MMP12: variants seen among roughly 807,000 people sequenced by gnomAD.
MMP12 encodes the protein macrophage metalloelastase.
In MMP12, 51 loss-of-function variants were observed where a neutral mutation model predicts 45.2. The observed-to-expected ratio is 1.13, with a 90% CI of 0.90 to 1.42. The LOEUF (loss-of-function observed/expected upper bound fraction) is 1.42. Among genes scored for constraint, MMP12 ranks in the 40% most tolerant of loss-of-function variants. The pLI is 0.00. For missense variants in MMP12, 530 were observed against 570.8 expected (o/e 0.93, Z 0.73); for synonymous variants, 210 against 193.3 (o/e 1.09, Z -0.72).
At chr11:102,871,995 G>A in intron 2 of MMP12, 43 bp from the exon 3 acceptor site, 3 of 1,556,388 alleles carry the variant, frequency 1.9e-6, no homozygotes, top group Non-Finnish European at 2.6e-6. Context: ...GGAAGGCAGT[G>A]TTATTTTGTC....
rs1859362606 is a variant in MMP12 at position 102,865,134 on chromosome 11, C to T, written c.1205+642G>A. ...GGAATTAGATATTGTGTTTTAAATG[C>T]TTAAGAATAAATAACAGTTGTAAAT... On this transcript the variant is annotated intron_variant, in intron 8 of 9. Transcript: ENST00000571244. The surrounding 1 kb of genome is among the most constrained non-coding windows in gnomAD (Gnocchi z 4.1). Among the ~76,000 whole-genome samples the T allele has an allele frequency of 6.6e-6, 1 of 152,262 alleles. No individual in the cohort carries two copies. Among genetic ancestry groups the T allele is most frequent in the South Asian group, 2.1e-4 (1 of 4,826 alleles).
intron 1 of MMP12, among the ~76,000 whole-genome samples, chr11:102,873,633 A>G (rs1407291978): frequency 3.3e-5 from 5 of 152,252 alleles, no homozygotes. Flanking sequence ...ACAAAAAAAC[A>G]AAGACATGTC....
intron 8 of MMP12, among the ~76,000 whole-genome samples, chr11:102,864,632 T>A (rs1185121544): frequency 1.3e-5 from 2 of 152,168 alleles, no homozygotes; most frequent in Non-Finnish European, 2.9e-5. Context: ...CCCAAGAAGA[T>A]AATAAACAGG....
chr11:102,872,754 G>A (rs1859523400), intron 2 of MMP12, 111 bp downstream of exon 2: 1 of 1,145,516 alleles, frequency 8.7e-7, no homozygotes. Context: ...ATTAACAATG[G>A]AGGGAGGTTA....
chr11:102,871,753 T>C (rs782815938), intron 3 of MMP12, 34 bp from the exon 4 acceptor site: 1 of 1,613,498 alleles, frequency 6.2e-7, no homozygotes, highest in Non-Finnish European at 8.5e-7. Context: ...AGTCCTTCTA[T>C]ACATCCTATA....
At chr11:102,864,973 T>G (rs1204919254) in intron 8 of MMP12, among the ~76,000 whole-genome samples, 1 of 152,192 alleles carries the variant, frequency 6.6e-6, no homozygotes, top group Non-Finnish European at 1.5e-5. Context: ...CCAATGTTCA[T>G]AATAACAGGC....
chr11:102,868,332 A>G (rs533980437), intron 4 of MMP12, among the ~76,000 whole-genome samples: 2 of 152,308 alleles, frequency 1.3e-5, no homozygotes, highest in East Asian at 3.9e-4. Context: ...CAACCAAAAA[A>G]TGTCTCCAGA....
rs200263325 is a variant in MMP12, at chr11:102,865,748, G to A, written c.1205+28C>T. 5.1e-6 allele frequency: 8 copies of A among 1,577,304 alleles called. No homozygotes were observed. The highest frequency in any genetic ancestry group is 6.0e-6 in the Non-Finnish European group (7 of 1,158,840). On this transcript the variant is annotated intron_variant, in intron 8 of 9. Transcript: ENST00000571244. This position sits in a 1 kb window ranked among gnomAD's most constrained non-coding sequence, Gnocchi z 4.1. ...TCCATATCTGTTTCACAATCTGAGG[G>A]GTCGAATGACCAACCATTAAAACTC... is the stretch of plus-strand genomic sequence containing the variant.
At position 102,865,813 on chromosome 11, in the gene MMP12, A is replaced by G. The variant is rs1859374238; in HGVS notation, c.1168T>C (p.Tyr390His). 1 of 1,612,388 alleles carries G rather than the reference A, an allele frequency of 6.2e-7. No individual in the cohort carries two copies. Among genetic ancestry groups the G allele is most frequent in the Non-Finnish European group, 8.5e-7 (1 of 1,179,120 alleles). The part of the protein sequence containing the change: ...IDAAVFNPRF[Y>H]RTYFFVDNQY... Reference sequence around the variant, plus strand: ...TTATCTACAAAGAAGTAGGTCCTATAAAAACGTGGGTTAAAAACAGCTGCA... The same window carrying G: ...TTATCTACAAAGAAGTAGGTCCTATGAAAACGTGGGTTAAAAACAGCTGCA... The change falls in exon 8 of 10, where the codon TAT becomes CAT. Residue 390 changes from tyrosine (Y) to histidine (H), a missense_variant. Tyr to His is a moderately conservative substitution (Grantham distance 83). Coordinates refer to ENST00000571244, the MANE Select transcript of MMP12 (RefSeq NM_002426.6). The surrounding 1 kb of genome is among the most constrained non-coding windows in gnomAD (Gnocchi z 4.1).
rs782531084 is a variant in MMP12, at chr11:102,863,082, C to G, written c.*18G>C. 1 of 1,548,914 alleles carries G rather than the reference C, an allele frequency of 6.5e-7. No homozygotes were observed. Among genetic ancestry groups the G allele is most frequent in the Non-Finnish European group, 8.9e-7 (1 of 1,127,274 alleles). On this transcript the variant is annotated 3_prime_UTR_variant, in exon 10 of 10. Transcript: ENST00000571244. ...TTAAGCTGAAGTGAACTAACAAAAACCATTAATTACACCATTTCTAACAAC... is the reference window on the plus strand; with the variant it reads ...TTAAGCTGAAGTGAACTAACAAAAAGCATTAATTACACCATTTCTAACAAC...
chr11:102,867,486 T>G, intron 5 of MMP12, 93 bp from the exon 6 acceptor site: 2 of 1,190,594 alleles, frequency 1.7e-6, no homozygotes, highest in Non-Finnish European at 2.3e-6. Context: ...ATTTTCTTAA[T>G]GAACATTGCA....
intron 4 of MMP12, among the ~76,000 whole-genome samples, chr11:102,868,977 G>A (rs879955815): frequency 6.6e-6 from 1 of 151,826 alleles, no homozygotes; most frequent in Admixed American, 6.6e-5. Context: ...CTTTATATCT[G>A]GCTTTTCTTT....
intron 2 of MMP12, 30 bp from the exon 3 acceptor site, chr11:102,871,982 T>G (rs1859507688): frequency 6.3e-7 from 1 of 1,577,842 alleles, no homozygotes; most frequent in African/African-American, 1.4e-5. Flanking sequence ...GAGAAAAATG[T>G]ATGGAAGGCA....
chr11:102,863,633 A>C (rs1859331580), intron 9 of MMP12, among the ~76,000 whole-genome samples: 1 of 152,128 alleles, frequency 6.6e-6, no homozygotes, highest in South Asian at 2.1e-4. Flanking sequence ...GAATACAAAC[A>C]AAAAATCTTG....
chr11:102,872,769 A>T (rs1859523662), intron 2 of MMP12, 96 bp downstream of exon 2: 39 of 1,355,396 alleles, frequency 2.9e-5, no homozygotes, highest in Non-Finnish European at 3.5e-5. Context: ...AGGTTACTTT[A>T]TCTACTTCCA....
Position 102,864,162 on chromosome 11 carries a change from G to A in MMP12, c.1296C>T (p.Val432=), listed in dbSNP as rs781999909. 10 of 1,610,582 alleles carry A rather than the reference G, an allele frequency of 6.2e-6. No individual in the cohort carries two copies. The South Asian group carries it at 9.9e-5, about 16-fold the overall frequency. The change falls in exon 9 of 10, where the codon GTC becomes GTT. Residue 432 remains valine, a synonymous_variant. Transcript: ENST00000571244. ...TCTACTTACTGTTTTTAGAGTAGAA[G>A]ACTGCATCAATTTTAGGCCCGATTC... ...FQGIGPKIDA[V]FYSKNKYYYF...
rs1367589763 is a variant in MMP12, at chr11:102,864,281, C to T, written c.1206-29G>A. On this transcript the variant is annotated intron_variant, in intron 8 of 9. Coordinates refer to ENST00000571244, the MANE Select transcript of MMP12 (RefSeq NM_002426.6). ...AGCAAAGAAGTAACCAGCAGGAACT[C>T]AATCAGAAAGTGGCTTTCCTGACAT... The T allele has an allele frequency of 2.6e-6, 4 of 1,525,124 alleles. No homozygotes were observed. The Admixed American group carries it at 5.1e-5, about 19-fold the overall frequency. The allele number at this position is 1,525,124 out of a possible 1,614,324, so 94.5% of individuals were successfully genotyped here. A position where few individuals can be genotyped will look rare whatever the true frequency, so the allele number is the denominator to read the frequency against.
rs984845296 is a variant in MMP12, at chr11:102,866,760, A to G, written c.912-312T>C. On this transcript the variant is annotated intron_variant, in intron 6 of 9. Coordinates refer to ENST00000571244, the MANE Select transcript of MMP12 (RefSeq NM_002426.6). ...TAACCTCAAGGAAGTCACTATCCTCAAGTGTATCAGTCTTATAATCTCAAA... is the reference window on the plus strand; with the variant it reads ...TAACCTCAAGGAAGTCACTATCCTCGAGTGTATCAGTCTTATAATCTCAAA... Among the ~76,000 whole-genome samples, 3 of 152,124 alleles carry G rather than the reference A, an allele frequency of 2.0e-5. No homozygotes were observed. The South Asian group carries it at 6.2e-4, about 31-fold the overall frequency.
In MMP12 at chr11:102,868,004, C is replaced by T; in HGVS notation, c.691G>A (p.Asp231Asn). 1.9e-6 allele frequency: 3 copies of T among 1,605,976 alleles called. No individual in the cohort carries two copies. Among genetic ancestry groups the T allele is most frequent in the Non-Finnish European group, 2.6e-6 (3 of 1,176,286 alleles). ...GHSLGLGHSSDPKAVMFPTYK... is the reference protein window; with the variant it reads ...GHSLGLGHSSNPKAVMFPTYK... ...GTGGGGAACATTACGGCCTTTGGAT[C>T]ACTAGAATGGCCAAGACCTAAGGAA... Residue 231 changes from aspartate to asparagine, a missense_variant, in exon 5 of 10, where the codon GAT becomes AAT. Asp to Asn is a conservative substitution (Grantham distance 23). Coordinates refer to ENST00000571244, the MANE Select transcript of MMP12 (RefSeq NM_002426.6).
Sources: allele counts gnomAD v4.1 joint callset (sites outside exome capture counted in the v4.1 genomes callset), GRCh38; gene constraint gnomAD v4.1.1; non-coding constraint Gnocchi (gnomAD v3.1); transcripts MANE v1.5; gene names NCBI Gene and HGNC (gene_info 2026-07-23, HGNC 2026-07-21).